Variants in BRSK2 observed in about 807,000 individuals in gnomAD.
The protein encoded by BRSK2 is serine/threonine-protein kinase BRSK2.
BRSK2 carries 19 observed loss-of-function variants against 83.3 expected under a neutral mutation model. That is an observed-to-expected ratio of 0.23 (90% CI 0.16 to 0.33). The LOEUF (loss-of-function observed/expected upper bound fraction) is 0.33. BRSK2 is among the 10% of genes least tolerant of loss of function. BRSK2 has a pLI of 1.00. For missense variants in BRSK2, 798 were observed against 1,042.3 expected, an observed-to-expected ratio of 0.77 and a Z score of 3.23; for synonymous variants, 519 against 435.4, an observed-to-expected ratio of 1.19 and a Z score of -2.39.
intron 3 of BRSK2, among the ~76,000 whole-genome samples, chr11:1,439,300 T>C (rs767266181): frequency 6.6e-6 from 1 of 151,796 alleles, no homozygotes; most frequent in South Asian, 2.1e-4. Flanking sequence ...GTGGGGAGCA[T>C]GTGCAGGTGG....
At chr11:1,426,933 G>C (rs1014662039) in intron 1 of BRSK2, among the ~76,000 whole-genome samples, 1 of 152,122 alleles carries the variant, frequency 6.6e-6, no homozygotes, top group African/African-American at 2.4e-5. Flanking sequence ...GGAGATGGGG[G>C]GGCGGCACCC....
At chr11:1,453,231 G>A (rs1266914931) in intron 15 of BRSK2, among the ~76,000 whole-genome samples, 2 of 152,260 alleles carry the variant, frequency 1.3e-5, no homozygotes, top group Non-Finnish European at 2.9e-5. Flanking sequence ...CACCACGTGG[G>A]TGCTGGAGTC....
chr11:1,428,075 G>GGGGCA (rs1849459145), intron 1 of BRSK2, among the ~76,000 whole-genome samples: 1 of 152,178 alleles, frequency 6.6e-6, no homozygotes, highest in Non-Finnish European at 1.5e-5. Flanking sequence ...GGACTTTCTA[G>GGGGCA]GCATAGGGGC....
At position 1,460,739 on chromosome 11, in the gene BRSK2, C is replaced by A. The variant is rs760670475; in HGVS notation, c.*16C>A. On this transcript the variant is annotated 3_prime_UTR_variant, in exon 20 of 20. Coordinates refer to ENST00000528841, the MANE Select transcript of BRSK2 (RefSeq NM_001256627.2). ...GCAGCCTTAGACACACTAGCCCCCC[C>A]CCCCAGCACAGCACTGACAGCGGCT... 833 of 1,410,462 alleles carry A rather than the reference C, an allele frequency of 5.9e-4. 6 individuals carry two copies. In the African/African-American group the frequency reaches 8.7e-3, roughly 15 times the overall value. The allele number at this position is 1,410,462 out of a possible 1,614,324, so 87.4% of individuals were successfully genotyped here. A position where few individuals can be genotyped will look rare whatever the true frequency, so the allele number is the denominator to read the frequency against.
At chr11:1,447,046 G>A (rs1487338679) in intron 12 of BRSK2, among the ~76,000 whole-genome samples, 2 of 152,098 alleles carry the variant, frequency 1.3e-5, no homozygotes, top group Non-Finnish European at 2.9e-5. Flanking sequence ...GCAGCTCCCA[G>A]GCCATGGCCC....
chr11:1,421,736 T>C (rs1043029260), intron 1 of BRSK2, among the ~76,000 whole-genome samples: 8 of 151,576 alleles, frequency 5.3e-5, no homozygotes, highest in Non-Finnish European at 4.4e-5. Flanking sequence ...TGGGGGTGCA[T>C]AGAGCCTGGG....
intron 15 of BRSK2, among the ~76,000 whole-genome samples, chr11:1,452,685 C>A (rs138618297): frequency 1.3e-5 from 2 of 151,258 alleles, no homozygotes; most frequent in Non-Finnish European, 3.0e-5. Flanking sequence ...CCCAAGGGCC[C>A]GGCACAGATG....
chr11:1,439,820 T>G (rs982107732), intron 3 of BRSK2, among the ~76,000 whole-genome samples: 1 of 146,066 alleles, frequency 6.8e-6, no homozygotes, highest in African/African-American at 2.6e-5. Context: ...CTTCACACCC[T>G]CCCCTGCCCT....
intron 13 of BRSK2, 145 bp from the exon 14 acceptor site, chr11:1,450,442 C>T (rs1354668827): frequency 1.7e-6 from 1 of 573,754 alleles, no homozygotes; most frequent in Admixed American, 3.7e-5. Flanking sequence ...CCAACCCCTT[C>T]CCGGCCAGCA....
At chr11:1,436,664 T>C (rs1379380183) in intron 2 of BRSK2, among the ~76,000 whole-genome samples, 1 of 152,050 alleles carries the variant, frequency 6.6e-6, no homozygotes, top group Non-Finnish European at 1.5e-5. Context: ...CCCCGGCTGC[T>C]GGGAAGCCTG....
At position 1,460,822 on chromosome 11, in the gene BRSK2, C is replaced by T. The variant is rs1053713189; in HGVS notation, c.*99C>T. 24 of 1,497,384 alleles carry T rather than the reference C, an allele frequency of 1.6e-5. No individual in the cohort carries two copies. Among genetic ancestry groups the T allele is most frequent in the Admixed American group, 2.5e-5 (1 of 40,640 alleles). The allele number at this position is 1,497,384 out of a possible 1,614,324, so 92.8% of individuals were successfully genotyped here. A position where few individuals can be genotyped will look rare whatever the true frequency, so the allele number is the denominator to read the frequency against. On this transcript the variant is annotated 3_prime_UTR_variant, in exon 20 of 20. Transcript: ENST00000528841. ...TGGACCCGCGGCCGCGCCGCCCGTC[C>T]GTCCAGACTGTTCTCAGAGCCTGGG...
In BRSK2 at chr11:1,452,057, A is replaced by G. The variant is rs1845875107; in HGVS notation, c.1544+638A>G. On this transcript the variant is annotated intron_variant, in intron 15 of 19. Coordinates refer to ENST00000528841, the MANE Select transcript of BRSK2 (RefSeq NM_001256627.2). ...GGAGACCAGGCGACTGGCGGTGTACACATATGAGCCTGCAGCGTGACCCCA... is the reference window on the plus strand; with the variant it reads ...GGAGACCAGGCGACTGGCGGTGTACGCATATGAGCCTGCAGCGTGACCCCA... Among the ~76,000 whole-genome samples the G allele has an allele frequency of 3.3e-5, 5 of 152,134 alleles. No homozygotes were observed. The South Asian group carries it at 1.0e-3, about 32-fold the overall frequency.
At chr11:1,446,361 G>A (rs1394196772) in intron 12 of BRSK2, among the ~76,000 whole-genome samples, 2 of 149,334 alleles carry the variant, frequency 1.3e-5, no homozygotes, top group South Asian at 2.1e-4. Flanking sequence ...AGCTGGGCAG[G>A]GCTGGGCTGA....
intron 8 of BRSK2, among the ~76,000 whole-genome samples, chr11:1,444,268 G>GC (rs1420353904): frequency 6.6e-6 from 1 of 152,074 alleles, no homozygotes; most frequent in Non-Finnish European, 1.5e-5. Context: ...GCCAAAGGTA[G>GC]CCCCCAGCTG....
intron 1 of BRSK2, among the ~76,000 whole-genome samples, chr11:1,427,629 C>T (rs976870004): frequency 2.6e-5 from 4 of 152,246 alleles, no homozygotes; most frequent in Admixed American, 2.0e-4. Flanking sequence ...CTGTGCACCG[C>T]CTGCCCCCTC....
At chr11:1,419,543 T>G (rs1164960854) in intron 1 of BRSK2, among the ~76,000 whole-genome samples, 1 of 152,252 alleles carries the variant, frequency 6.6e-6, no homozygotes. Flanking sequence ...CTTAGTCGTT[T>G]TTGTAGACCT....
chr11:1,454,705 C>CGTGCTGTGCGCGTGG lies in BRSK2; in HGVS notation c.1668+97_1668+98insGTGCTGTGCGCGTGG. On this transcript the variant is annotated intron_variant, in intron 16 of 19. Transcript: ENST00000528841. This position sits in a 1 kb window ranked among gnomAD's most constrained non-coding sequence, Gnocchi z 5.2. ...CCTCCTCACGTAGACAGGACATGTC[C>CGTGCTGTGCGCGTGG]ACGCGCACAGCACGGACGTCCGCTC... 6.8e-7 allele frequency: 1 copy of CGTGCTGTGCGCGTGG among 1,474,124 alleles called. No homozygotes were observed. Among genetic ancestry groups the CGTGCTGTGCGCGTGG allele is most frequent in the Non-Finnish European group, 9.3e-7 (1 of 1,080,630 alleles). The allele number at this position is 1,474,124 out of a possible 1,614,324, so 91.3% of individuals were successfully genotyped here. A position where few individuals can be genotyped will look rare whatever the true frequency, so the allele number is the denominator to read the frequency against.
At chr11:1,415,095 T>A (rs532026700) in intron 1 of BRSK2, among the ~76,000 whole-genome samples, 1 of 47,334 alleles carries the variant, frequency 2.1e-5, no homozygotes, top group Admixed American at 2.2e-4. Context: ...TGTCTTTACC[T>A]TTTTTTTTTT....
At chr11:1,411,114 CCAGCTGGGGATCCT>C in intron 1 of BRSK2, 1 of 1,196,424 alleles carries the variant, frequency 8.4e-7, no homozygotes. Flanking sequence ...GGTTTGGAGA[CCAGCTGGGGATCCT>C]CAGGGGCCTA....
Sources: gnomAD v4.1 joint callset for allele counts (sites outside exome capture counted in the v4.1 genomes callset) on GRCh38, gnomAD v4.1.1 for gene constraint, Gnocchi (gnomAD v3.1) non-coding constraint, MANE v1.5 for transcripts, NCBI Gene and HGNC (gene_info 2026-07-23, HGNC 2026-07-21) for gene names.